GALNT13: variants seen among roughly 807,000 people sequenced by gnomAD.
The protein encoded by GALNT13 is UDP-GalNAc:polypeptide N-acetylgalactosaminyltransferase 13.
A neutral mutation model predicts 64.2 loss-of-function variants in GALNT13; 28 were observed. The ratio of observed to expected loss-of-function variants is 0.44; its 90% CI spans 0.32 to 0.60. GALNT13 has a LOEUF of 0.60. Ranked by LOEUF, GALNT13 falls within the 20% of genes least tolerant of loss-of-function variation. The pLI, the probability that GALNT13 is intolerant of heterozygous loss-of-function variation, is 0.05. For missense variants in GALNT13, 577 were observed against 669.8 expected (o/e 0.86, Z 1.53); for synonymous variants, 214 against 224.6 (o/e 0.95, Z 0.42).
At chr2:153,088,638 G>A in the GALNT13 span, among the ~76,000 whole-genome samples, 1 of 152,072 alleles carries the variant, frequency 6.6e-6, no homozygotes, top group African/African-American at 2.4e-5. Flanking sequence ...AAATTTGGGA[G>A]CTCCAGTGTT....
At chr2:153,957,435 A>T (rs1443213210) in intron 3 of GALNT13, among the ~76,000 whole-genome samples, 1 of 152,252 alleles carries the variant, frequency 6.6e-6, no homozygotes, top group African/African-American at 2.4e-5. Context: ...GTGGGAAGCC[A>T]TCTGCAGGGA....
At chr2:154,034,410 GT>G (rs1337317729) in intron 3 of GALNT13, among the ~76,000 whole-genome samples, 4 of 152,172 alleles carry the variant, frequency 2.6e-5, no homozygotes, top group African/African-American at 4.8e-5. Context: ...AGTAGGTGCA[GT>G]TTTGGTTTCA....
chr2:153,473,980 G>T, the GALNT13 span, among the ~76,000 whole-genome samples: 1 of 152,188 alleles, frequency 6.6e-6, no homozygotes, highest in Admixed American at 6.5e-5. Context: ...CAGAGACCTG[G>T]AAATTTAAGG....
At chr2:153,454,603 C>T in the GALNT13 span, among the ~76,000 whole-genome samples, 32 of 152,312 alleles carry the variant, frequency 2.1e-4, 1 homozygote, top group South Asian at 4.1e-3. Context: ...ATTCACATTA[C>T]GTTACATTAC....
At chr2:153,939,714 T>A (rs928681480) in intron 2 of GALNT13, among the ~76,000 whole-genome samples, 11 of 152,216 alleles carry the variant, frequency 7.2e-5, no homozygotes, top group Non-Finnish European at 2.9e-5. Context: ...CTTAGAATGA[T>A]GTTTCTGATG....
At chr2:153,195,137 G>A in the GALNT13 span, among the ~76,000 whole-genome samples, 180 of 152,250 alleles carry the variant, frequency 1.2e-3, no homozygotes, top group Middle Eastern at 3.4e-3. Context: ...GGATGTGTGA[G>A]TTCTTGGGTC....
intron 3 of GALNT13, among the ~76,000 whole-genome samples, chr2:154,135,810 A>G (rs920182037): frequency 6.6e-6 from 1 of 152,182 alleles, no homozygotes; most frequent in Admixed American, 6.5e-5. Context: ...TCTAGGTGAC[A>G]TAGAGAAAAC....
At chr2:154,305,443 T>C (rs887697581) in intron 9 of GALNT13, among the ~76,000 whole-genome samples, 1 of 152,200 alleles carries the variant, frequency 6.6e-6, no homozygotes, top group African/African-American at 2.4e-5. Context: ...TTTATGAGTT[T>C]ATATTGAGCT....
intron 2 of GALNT13, among the ~76,000 whole-genome samples, chr2:153,910,890 T>C (rs1256213334): frequency 6.6e-6 from 1 of 152,214 alleles, no homozygotes; most frequent in East Asian, 1.9e-4. Flanking sequence ...GAGAATAATG[T>C]ATATTCTGTT....
chr2:153,866,549 G>A, the GALNT13 span, among the ~76,000 whole-genome samples: 2 of 151,932 alleles, frequency 1.3e-5, no homozygotes, highest in Non-Finnish European at 2.9e-5. Flanking sequence ...AAGGCTTTAT[G>A]GATAATAAGA....
the GALNT13 span, among the ~76,000 whole-genome samples, chr2:153,161,779 C>T: frequency 1.3e-5 from 2 of 152,142 alleles, no homozygotes; most frequent in African/African-American, 4.8e-5. Flanking sequence ...CATAATAAGA[C>T]CTGTCAGTTT....
the GALNT13 span, among the ~76,000 whole-genome samples, chr2:153,855,359 A>G: frequency 6.6e-6 from 1 of 152,190 alleles, no homozygotes; most frequent in East Asian, 1.9e-4. Context: ...TTTATAATTG[A>G]ATAATGAAAA....
the GALNT13 span, among the ~76,000 whole-genome samples, chr2:153,286,136 G>A: frequency 2.0e-5 from 3 of 152,214 alleles, no homozygotes; most frequent in African/African-American, 7.2e-5. Flanking sequence ...AAAGAAATCT[G>A]CCTTGAATTA....
At chr2:153,548,888 G>A in the GALNT13 span, among the ~76,000 whole-genome samples, 1 of 152,156 alleles carries the variant, frequency 6.6e-6, no homozygotes, top group Admixed American at 6.6e-5. Context: ...TGTTGATTGA[G>A]CAGATTAAAA....
the GALNT13 span, among the ~76,000 whole-genome samples, chr2:153,535,127 G>A: frequency 1.7e-3 from 254 of 152,212 alleles, 1 homozygote; most frequent in South Asian, 3.1e-3. Context: ...AAGCTGAAGG[G>A]AGGTCTTGTG....
At chr2:153,958,729 A>G (rs947635194) in intron 3 of GALNT13, among the ~76,000 whole-genome samples, 2 of 152,180 alleles carry the variant, frequency 1.3e-5, no homozygotes, top group African/African-American at 4.8e-5. Flanking sequence ...TTAGATCCCA[A>G]GCTACAAAAA....
rs374748788 is a variant in GALNT13, at chr2:154,209,940, C to A, written c.312-32090C>A. Among the ~76,000 whole-genome samples the A allele has an allele frequency of 1.1e-3, 162 of 152,246 alleles. 5 individuals carry two copies. In the South Asian group the frequency reaches 0.031, roughly 29 times the overall value. ...ATAGTCACCATGCTGTGCAACAGATCTCACAAAAACTATCCCTCCTGTCTA... is the reference window on the plus strand; with the variant it reads ...ATAGTCACCATGCTGTGCAACAGATATCACAAAAACTATCCCTCCTGTCTA... On this transcript the variant is annotated intron_variant, in intron 4 of 12. Transcript: ENST00000392825.
chr2:154,335,708 A>G (rs1317394930), intron 9 of GALNT13, among the ~76,000 whole-genome samples: 3 of 152,074 alleles, frequency 2.0e-5, no homozygotes, highest in African/African-American at 7.2e-5. Flanking sequence ...TATAGGGATT[A>G]ATCAAAATTA....
chr2:154,303,658 G>A lies in GALNT13; in HGVS notation c.1156+2069G>A, dbSNP rs555415417. Among the ~76,000 whole-genome samples, 6 of 152,160 alleles carry A rather than the reference G, an allele frequency of 3.9e-5. No individual in the cohort carries two copies. The East Asian group carries it at 7.7e-4, about 20-fold the overall frequency. On this transcript the variant is annotated intron_variant, in intron 9 of 12. Transcript: ENST00000392825. The stretch of plus-strand genomic sequence containing the variant: ...CAGCGACTAACCCACATTACACAGG[G>A]TTAAATAAACCCATCTAATGAGATT...
Sources: allele counts gnomAD v4.1 joint callset (sites outside exome capture counted in the v4.1 genomes callset), GRCh38; gene constraint gnomAD v4.1.1; transcripts MANE v1.5; gene names NCBI Gene and HGNC (gene_info 2026-07-23, HGNC 2026-07-21).